Variants in GALNT16 observed in about 807,000 individuals in gnomAD.
GALNT16 encodes the protein UDP-GalNAc:polypeptide N-acetylgalactosaminyltransferase-like protein 1.
Under a neutral mutation model 76.1 loss-of-function variants are expected in GALNT16, and 40 were observed. The ratio of observed to expected loss-of-function variants is 0.53; its 90% CI spans 0.41 to 0.68. The LOEUF (loss-of-function observed/expected upper bound fraction) is 0.68, where lower values mean the gene tolerates loss of function less well. Ranked by LOEUF, GALNT16 falls within the 30% of genes least tolerant of loss-of-function variation. The pLI is 0.00. For missense variants in GALNT16, 621 were observed against 731.9 expected, an observed-to-expected ratio of 0.85 and a Z score of 1.75; for synonymous variants, 276 against 285.2, an observed-to-expected ratio of 0.97 and a Z score of 0.32.
chr14:69,339,207 C>T (rs1460506716), intron 10 of GALNT16, among the ~76,000 whole-genome samples: 1 of 152,148 alleles, frequency 6.6e-6, no homozygotes, highest in African/African-American at 2.4e-5. Flanking sequence ...GTCTGCTCTC[C>T]TGAGGAGGTT....
intron 14 of GALNT16, chr14:69,350,658 C>T (rs1342429996): frequency 3.3e-5 from 5 of 152,420 alleles, no homozygotes; most frequent in Non-Finnish European, 7.3e-5. Context: ...CCCCGCAGCC[C>T]TAGCCCTATC....
At chr14:69,348,119 T>C in intron 14 of GALNT16, 117 bp downstream of exon 14, 3 of 1,061,582 alleles carry the variant, frequency 2.8e-6, no homozygotes, top group Admixed American at 4.0e-5. Context: ...AGAGCGAGGA[T>C]CTGTGGGGAG....
chr14:69,328,328 TA>T, intron 5 of GALNT16, 121 bp from the exon 6 acceptor site: 1 of 1,016,232 alleles, frequency 9.8e-7, no homozygotes, highest in Non-Finnish European at 1.4e-6. Context: ...AAGTCAAATC[TA>T]ATCACAATAA....
the GALNT16 span, among the ~76,000 whole-genome samples, chr14:69,364,788 G>A: frequency 6.6e-6 from 1 of 152,172 alleles, no homozygotes; most frequent in Non-Finnish European, 1.5e-5. The surrounding 1 kb of genome is among the most constrained non-coding windows in gnomAD (Gnocchi z 4.2). Flanking sequence ...TCCCACCCCA[G>A]GAGTGGGCAG....
At chr14:69,305,881 AG>A (rs2044925857) in intron 1 of GALNT16, among the ~76,000 whole-genome samples, 1 of 152,166 alleles carries the variant, frequency 6.6e-6, no homozygotes, top group Non-Finnish European at 1.5e-5. Flanking sequence ...GTTTTCTTCT[AG>A]GAGTTTTGCA....
At chr14:69,309,502 A>G (rs2044984987) in intron 1 of GALNT16, among the ~76,000 whole-genome samples, 1 of 152,034 alleles carries the variant, frequency 6.6e-6, no homozygotes, top group Admixed American at 6.5e-5. Flanking sequence ...TGTAGAGATG[A>G]GGTCTTGCTG....
At chr14:69,326,710 G>A (rs190273367) in intron 5 of GALNT16, among the ~76,000 whole-genome samples, 3 of 152,334 alleles carry the variant, frequency 2.0e-5, no homozygotes, top group Admixed American at 1.3e-4. Context: ...ATGGGCATGC[G>A]CAATACTAAC....
chr14:69,325,815 C>G, intron 4 of GALNT16, 147 bp from the exon 5 acceptor site: 1 of 672,892 alleles, frequency 1.5e-6, no homozygotes. Flanking sequence ...GGCAACCCTT[C>G]GGCCAGTAGT....
chr14:69,380,480 A>T, the GALNT16 span: 2 of 944,366 alleles, frequency 2.1e-6, no homozygotes, highest in Non-Finnish European at 3.5e-6. Context: ...CCACTACAGC[A>T]CGCTGTACAC....
chr14:69,290,163 C>T lies in GALNT16; in HGVS notation c.177+29696C>T, dbSNP rs183177524. ...TGCCACAGTGGTAGTTATTGTCACA[C>T]GCCATGTGTTCATCTTTCTCACCGG... On this transcript the variant is annotated intron_variant, in intron 1 of 14. Coordinates refer to ENST00000448469, the MANE Select transcript of GALNT16 (RefSeq NM_001168368.2). 1.5e-4 allele frequency among the ~76,000 whole-genome samples: 23 copies of T among 152,348 alleles called. No individual in the cohort carries two copies. In the East Asian group the frequency reaches 3.9e-3, roughly 26 times the overall value.
At chr14:69,311,377 C>A (rs561792353) in intron 1 of GALNT16, among the ~76,000 whole-genome samples, 1 of 152,118 alleles carries the variant, frequency 6.6e-6, no homozygotes, top group South Asian at 2.1e-4. Flanking sequence ...TAATCACTTC[C>A]CAAAAGACCT....
chr14:69,271,337 A>G (rs1381361651), intron 1 of GALNT16, among the ~76,000 whole-genome samples: 3 of 152,212 alleles, frequency 2.0e-5, no homozygotes, highest in Non-Finnish European at 4.4e-5. Context: ...GGGAGATCAG[A>G]AGGCCAGCGC....
the GALNT16 span, among the ~76,000 whole-genome samples, chr14:69,370,258 C>T: frequency 2.0e-5 from 3 of 152,306 alleles, no homozygotes; most frequent in East Asian, 5.8e-4. Context: ...TTGCAAGCTC[C>T]GCCTGCCAAG....
chr14:69,365,238 T>G, the GALNT16 span, among the ~76,000 whole-genome samples: 1 of 152,236 alleles, frequency 6.6e-6, no homozygotes, highest in Non-Finnish European at 1.5e-5. Flanking sequence ...ATCAGCTACA[T>G]AATTTGGAGG....
At chr14:69,329,663 A>G (rs1045944592) in intron 6 of GALNT16, among the ~76,000 whole-genome samples, 1 of 152,150 alleles carries the variant, frequency 6.6e-6, no homozygotes, top group Non-Finnish European at 1.5e-5. Context: ...TTGTACAAGC[A>G]TGGCACTGGC....
intron 1 of GALNT16, among the ~76,000 whole-genome samples, chr14:69,284,171 C>G (rs2044579449): frequency 6.6e-6 from 1 of 152,182 alleles, no homozygotes; most frequent in Admixed American, 6.5e-5. Flanking sequence ...CAAACACCTG[C>G]TGCAGTTCCT....
intron 14 of GALNT16, 99 bp downstream of exon 14, chr14:69,348,101 A>G (rs570556535): frequency 1.6e-6 from 2 of 1,216,242 alleles, no homozygotes; most frequent in South Asian, 2.5e-5. Context: ...GACTCAAATA[A>G]GCCCTTCAGA....
intron 12 of GALNT16, among the ~76,000 whole-genome samples, chr14:69,346,346 T>C (rs1029793434): frequency 4.6e-5 from 7 of 152,306 alleles, no homozygotes; most frequent in Non-Finnish European, 1.0e-4. Flanking sequence ...CATTTATAAT[T>C]ATTTTTGTAG....
chr14:69,274,515 T>C (rs2044446559), intron 1 of GALNT16, among the ~76,000 whole-genome samples: 1 of 152,184 alleles, frequency 6.6e-6, no homozygotes, highest in Non-Finnish European at 1.5e-5. Flanking sequence ...TGTTGGCAAG[T>C]TGGCATTGGC....
Sources: allele counts gnomAD v4.1 joint callset (sites outside exome capture counted in the v4.1 genomes callset), GRCh38; gene constraint gnomAD v4.1.1; non-coding constraint Gnocchi (gnomAD v3.1); transcripts MANE v1.5; gene names NCBI Gene and HGNC (gene_info 2026-07-23, HGNC 2026-07-21).